The following EGFR variants were observed in gnomAD, a reference collection of about 807,000 sequenced individuals.
The protein encoded by EGFR is epidermal growth factor receptor, also known as avian erythroblastic leukemia viral (v-erb-b) oncogene homolog.
A neutral mutation model predicts 143.0 loss-of-function variants in EGFR; 58 were observed. The ratio of observed to expected loss-of-function variants is 0.41; its 90% CI spans 0.33 to 0.50. EGFR has a LOEUF of 0.50. Ranked by LOEUF, EGFR falls within the 20% of genes least tolerant of loss-of-function variation. The probability of loss-of-function intolerance (pLI) is 0.39; values close to 1 mark genes in which losing one functional copy is unlikely to be tolerated. For synonymous variants in EGFR, 613 were observed against 594.4 expected (o/e 1.03, Z -0.45); for missense variants, 1,307 against 1,579.0 (o/e 0.83, Z 2.92).
chr7:55,063,533 GA>G (rs960535202), intron 1 of EGFR, among the ~76,000 whole-genome samples: 18 of 152,272 alleles, frequency 1.2e-4, no homozygotes, highest in Admixed American at 4.6e-4. Flanking sequence ...TGCACTCATG[GA>G]AAAAGTTCTC....
intron 19 of EGFR, 150 bp from the exon 20 acceptor site, chr7:55,181,143 T>C: frequency 1.0e-6 from 1 of 982,424 alleles, no homozygotes; most frequent in Admixed American, 1.8e-5. Context: ...GTCCCTGTGC[T>C]AGGTCTTTTG....
rs756305742 is a variant in EGFR, at chr7:55,143,374, C to T, written c.310C>T (p.Leu104=). Reference sequence around the variant, plus strand: ...AGTGGAGCGAATTCCTTTGGAAAACCTGCAGATCATCAGAGGAAATATGTA... The same window carrying T: ...AGTGGAGCGAATTCCTTTGGAAAACTTGCAGATCATCAGAGGAAATATGTA... ...NTVERIPLEN[L]QIIRGNMYYE... Residue 104 remains leucine (L), a synonymous_variant, in exon 3 of 28, where the codon CTG becomes TTG. Coordinates refer to ENST00000275493, the MANE Select transcript of EGFR (RefSeq NM_005228.5). The T allele has an allele frequency of 1.2e-6, 2 of 1,614,186 alleles. No individual in the cohort carries two copies. Among genetic ancestry groups the T allele is most frequent in the Admixed American group, 3.3e-5 (2 of 60,034 alleles).
intron 1 of EGFR, among the ~76,000 whole-genome samples, chr7:55,054,917 G>A (rs143537249): frequency 9.5e-4 from 144 of 152,324 alleles, no homozygotes; most frequent in African/African-American, 3.3e-3. Flanking sequence ...ACCCATGTTT[G>A]CATTTGCAGG....
intron 10 of EGFR, 115 bp from the exon 11 acceptor site, chr7:55,157,548 A>G: frequency 1.1e-6 from 1 of 888,320 alleles, no homozygotes; most frequent in Non-Finnish European, 1.8e-6. Flanking sequence ...AGCAAATCCA[A>G]TTTTCCCACT....
At chr7:55,134,264 G>T (rs532436836) in intron 1 of EGFR, among the ~76,000 whole-genome samples, 1 of 148,850 alleles carries the variant, frequency 6.7e-6, no homozygotes, top group Non-Finnish European at 1.5e-5. Flanking sequence ...GCCACATCCA[G>T]GTCCAGTTCC....
chr7:55,123,221 C>T (rs1562734924), intron 1 of EGFR, among the ~76,000 whole-genome samples: 1 of 152,134 alleles, frequency 6.6e-6, no homozygotes, highest in Non-Finnish European at 1.5e-5. Flanking sequence ...TGATTACAGA[C>T]CTTTCCTGGT....
At chr7:55,023,896 G>A (rs539834570) in intron 1 of EGFR, among the ~76,000 whole-genome samples, 82 of 152,018 alleles carry the variant, frequency 5.4e-4, no homozygotes, top group Non-Finnish European at 9.4e-4. Flanking sequence ...CCTCCTACAG[G>A]AATGAATTTT....
chr7:55,175,230 A>G lies in EGFR; in HGVS notation c.2283+410A>G, dbSNP rs17337149. Among the ~76,000 whole-genome samples, 505 of 152,300 alleles carry G rather than the reference A, an allele frequency of 3.3e-3. 1 individual carries two copies. Among genetic ancestry groups the G allele is most frequent in the African/African-American group, 0.012 (489 of 41,560 alleles). On this transcript the variant is annotated intron_variant, in intron 19 of 27. Transcript: ENST00000275493. ...GCCCCTTGTTATTTCTGACTCTGAAACTTGCATTCAATTCACTCCACCAAG... is the reference window on the plus strand; with the variant it reads ...GCCCCTTGTTATTTCTGACTCTGAAGCTTGCATTCAATTCACTCCACCAAG...
chr7:55,052,244 T>A (rs1438320087), intron 1 of EGFR, among the ~76,000 whole-genome samples: 5 of 152,200 alleles, frequency 3.3e-5, no homozygotes, highest in Non-Finnish European at 4.4e-5. Flanking sequence ...GTGCAGCACA[T>A]CTATGACCAG....
intron 1 of EGFR, among the ~76,000 whole-genome samples, chr7:55,132,448 G>T (rs531825674): frequency 1.3e-5 from 2 of 152,302 alleles, no homozygotes; most frequent in South Asian, 2.1e-4. Context: ...TTCGAATCCA[G>T]AGGATGGGAA....
At chr7:55,106,407 C>T (rs1361661916) in intron 1 of EGFR, among the ~76,000 whole-genome samples, 1 of 152,236 alleles carries the variant, frequency 6.6e-6, no homozygotes, top group Admixed American at 6.5e-5. Flanking sequence ...GGGGCAAGCC[C>T]ACCTTTTCCC....
chr7:55,146,634 C>A lies in EGFR; in HGVS notation c.453C>A (p.Ser151Arg), dbSNP rs1794777440. 3 of 1,614,092 alleles carry A rather than the reference C, an allele frequency of 1.9e-6. No individual in the cohort carries two copies. The highest frequency in any genetic ancestry group is 2.5e-6 in the Non-Finnish European group (3 of 1,179,940). The change falls in exon 4 of 28, where the codon AGC (serine) becomes AGA (arginine). Residue 151 changes from serine to arginine, a missense_variant. Physicochemically the swap from Ser to Arg is moderately radical, Grantham distance 110 (BLOSUM62 -1). Transcript: ENST00000275493. ...QEILHGAVRFSNNPALCNVES... is the reference protein window; with the variant it reads ...QEILHGAVRFRNNPALCNVES... Reference sequence around the variant, plus strand: ...TCCTGCATGGCGCCGTGCGGTTCAGCAACAACCCTGCCCTGTGCAACGTGG... The same window carrying A: ...TCCTGCATGGCGCCGTGCGGTTCAGAAACAACCCTGCCCTGTGCAACGTGG...
intron 1 of EGFR, among the ~76,000 whole-genome samples, chr7:55,067,044 G>A (rs940790612): frequency 3.3e-5 from 5 of 152,208 alleles, no homozygotes; most frequent in Admixed American, 6.5e-5. Flanking sequence ...GGCCAGTCCT[G>A]CATCCTCGGC....
intron 1 of EGFR, among the ~76,000 whole-genome samples, chr7:55,095,599 T>C (rs1035616561): frequency 3.9e-5 from 6 of 152,054 alleles, no homozygotes; most frequent in Non-Finnish European, 7.4e-5. Flanking sequence ...ACTCAAAGGA[T>C]TGCATGCAGA....
chr7:55,024,103 T>TAA (rs1489219526), intron 1 of EGFR, among the ~76,000 whole-genome samples: 2 of 152,214 alleles, frequency 1.3e-5, no homozygotes, highest in Non-Finnish European at 2.9e-5. Context: ...TTTAGATAGA[T>TAA]ACACTCAATC....
chr7:55,139,640 C>G (rs1794346251), intron 1 of EGFR, among the ~76,000 whole-genome samples: 1 of 152,192 alleles, frequency 6.6e-6, no homozygotes. Flanking sequence ...AGCATATCAA[C>G]TGCCTTCTTA....
At position 55,205,772 on chromosome 7, in the gene EGFR, TC is replaced by T; in HGVS notation, c.*157del. The T allele has an allele frequency of 8.5e-7, 1 of 1,175,690 alleles. No individual in the cohort carries two copies. Among genetic ancestry groups the T allele is most frequent in the Non-Finnish European group, 1.2e-6 (1 of 820,502 alleles). 72.8% of individuals were successfully genotyped at this position (1,175,690 alleles called of 1,614,324 possible). Reference sequence around the variant, plus strand: ...TTACACCGACTAGCCAGGAAGTACTTCCACCTCGGGCACATTTTGGGAAGTT... The same window carrying T: ...TTACACCGACTAGCCAGGAAGTACTTCACCTCGGGCACATTTTGGGAAGTT... On this transcript the variant is annotated 3_prime_UTR_variant, in exon 28 of 28. Coordinates refer to ENST00000275493, the MANE Select transcript of EGFR (RefSeq NM_005228.5).
chr7:55,174,135 A>C (rs1786486134), intron 18 of EGFR, 92 bp downstream of exon 18: 1 of 1,549,190 alleles, frequency 6.5e-7, no homozygotes, highest in Non-Finnish European at 8.8e-7. Flanking sequence ...GTATATTTCC[A>C]TCATCTACTT....
At chr7:55,196,343 C>T (rs1436778018) in intron 22 of EGFR, among the ~76,000 whole-genome samples, 2 of 151,740 alleles carry the variant, frequency 1.3e-5, no homozygotes, top group African/African-American at 4.8e-5. Context: ...CTGCTCATGT[C>T]CTTTGCCCAC....
Sources: gnomAD v4.1 joint callset for allele counts (sites outside exome capture counted in the v4.1 genomes callset) on GRCh38, gnomAD v4.1.1 for gene constraint, MANE v1.5 for transcripts, NCBI Gene and HGNC (gene_info 2026-07-23, HGNC 2026-07-21) for gene names.